The following SCAPER variants were observed in gnomAD, a reference collection of about 807,000 sequenced individuals.
SCAPER encodes the protein S phase cyclin A-associated protein in the endoplasmic reticulum.
A neutral mutation model predicts 182.2 loss-of-function variants in SCAPER; 98 were observed. That is an observed-to-expected ratio of 0.54 (90% CI 0.46 to 0.64). The LOEUF (loss-of-function observed/expected upper bound fraction) is 0.64. Ranked by LOEUF, SCAPER falls within the 30% of genes least tolerant of loss-of-function variation. The pLI is 0.00. For synonymous variants in SCAPER, 605 were observed against 564.6 expected (o/e 1.07, Z -1.01); for missense variants, 1,432 against 1,690.0 (o/e 0.85, Z 2.68).
intron 17 of SCAPER, among the ~76,000 whole-genome samples, chr15:76,711,970 T>C (rs1232846354): frequency 1.3e-5 from 2 of 152,216 alleles, no homozygotes; most frequent in African/African-American, 2.4e-5. Context: ...TTTTGGCTTT[T>C]GTTGCCATTG....
chr15:76,881,672 T>A (rs947701824), intron 2 of SCAPER, among the ~76,000 whole-genome samples: 1 of 152,094 alleles, frequency 6.6e-6, no homozygotes, highest in African/African-American at 2.4e-5. Flanking sequence ...ATGTGGTACA[T>A]AAAGTAGTCA....
At chr15:76,632,484 C>A (rs1020636176) in intron 21 of SCAPER, among the ~76,000 whole-genome samples, 2 of 152,126 alleles carry the variant, frequency 1.3e-5, no homozygotes, top group African/African-American at 4.8e-5. Context: ...TGAGCCACTA[C>A]ACCCAGCCAG....
At chr15:76,580,595 TA>T (rs951706432) in intron 22 of SCAPER, among the ~76,000 whole-genome samples, 8 of 150,900 alleles carry the variant, frequency 5.3e-5, no homozygotes, top group African/African-American at 1.5e-4. Context: ...TCTCCACACA[TA>T]AAAAAAAATC....
chr15:76,438,825 A>C (rs549744695), intron 25 of SCAPER, among the ~76,000 whole-genome samples: 1 of 152,252 alleles, frequency 6.6e-6, no homozygotes, highest in African/African-American at 2.4e-5. Context: ...TCATTTTTTC[A>C]TTTAGATTGG....
rs1241781557 is a variant in SCAPER at position 76,826,354 on chromosome 15, C to G, written c.393+15380G>C. Among the ~76,000 whole-genome samples, 8 of 136,776 alleles carry G rather than the reference C, an allele frequency of 5.8e-5. No individual in the cohort carries two copies. The Admixed American group carries it at 6.6e-4, about 11-fold the overall frequency. The allele number at this position is 136,776 out of a possible 152,430, so 89.7% of individuals were successfully genotyped here. A position where few individuals can be genotyped will look rare whatever the true frequency, so the allele number is the denominator to read the frequency against. On this transcript the variant is annotated intron_variant, in intron 5 of 31. Coordinates refer to ENST00000563290, the MANE Select transcript of SCAPER (RefSeq NM_020843.4). ...GCATATTCTCACTCATAGGTGGGAACTGAACAATGAGAACACATGGACACA... is the reference window on the plus strand; with the variant it reads ...GCATATTCTCACTCATAGGTGGGAAGTGAACAATGAGAACACATGGACACA...
intron 25 of SCAPER, among the ~76,000 whole-genome samples, chr15:76,443,076 T>C (rs973452590): frequency 1.3e-5 from 2 of 152,114 alleles, no homozygotes; most frequent in Non-Finnish European, 2.9e-5. Context: ...AAAATAATGA[T>C]AGATGGTGGA....
At chr15:76,608,526 C>T (rs1379930507) in intron 22 of SCAPER, among the ~76,000 whole-genome samples, 2 of 152,124 alleles carry the variant, frequency 1.3e-5, no homozygotes, top group Non-Finnish European at 2.9e-5. Flanking sequence ...CTGGGAGAAC[C>T]ACTACTCTCT....
rs146059191 is a variant in SCAPER, at chr15:76,737,997, A to G, written c.1867-4613T>C. 4.3e-3 allele frequency among the ~76,000 whole-genome samples: 652 copies of G among 152,330 alleles called. 7 individuals carry two copies. The highest frequency in any genetic ancestry group is 0.015 in the African/African-American group (607 of 41,564). On this transcript the variant is annotated intron_variant, in intron 15 of 31. Coordinates refer to ENST00000563290, the MANE Select transcript of SCAPER (RefSeq NM_020843.4). The stretch of plus-strand genomic sequence containing the variant: ...TATCCAGACCACTCGAACTTTCACC[A>G]TATCAGCAATAACCTGTTGTGCTTT...
intron 21 of SCAPER, among the ~76,000 whole-genome samples, chr15:76,653,568 A>C (rs938814966): frequency 6.6e-6 from 1 of 152,216 alleles, no homozygotes; most frequent in Non-Finnish European, 1.5e-5. Flanking sequence ...ATCTGCAACC[A>C]TCTCATCTTC....
intron 21 of SCAPER, among the ~76,000 whole-genome samples, chr15:76,660,435 C>T (rs918369867): frequency 3.3e-5 from 5 of 152,056 alleles, no homozygotes; most frequent in African/African-American, 1.2e-4. Context: ...AAGGTGTGCT[C>T]CCCTCTTCTC....
At chr15:76,483,061 A>G (rs989817832) in intron 24 of SCAPER, among the ~76,000 whole-genome samples, 1 of 152,134 alleles carries the variant, frequency 6.6e-6, no homozygotes, top group African/African-American at 2.4e-5. Flanking sequence ...TAAGAAGGAT[A>G]AAGTTGGAAG....
At chr15:76,404,483 C>T (rs2044681698) in intron 27 of SCAPER, 41 bp downstream of exon 27, 2 of 1,549,106 alleles carry the variant, frequency 1.3e-6, no homozygotes, top group Non-Finnish European at 8.8e-7. Flanking sequence ...AAGAGATGTT[C>T]CAAAAGTTGA....
chr15:76,621,863 C>A, intron 21 of SCAPER, 34 bp from the exon 22 acceptor site: 2 of 1,476,678 alleles, frequency 1.4e-6, no homozygotes, highest in Non-Finnish European at 1.9e-6. Flanking sequence ...ACAGTTATTT[C>A]ACTGCTAATT....
intron 29 of SCAPER, among the ~76,000 whole-genome samples, chr15:76,365,047 G>C (rs949280051): frequency 6.6e-6 from 1 of 151,992 alleles, no homozygotes; most frequent in African/African-American, 2.4e-5. Flanking sequence ...TTGAGGGCAG[G>C]GACTTTGTCT....
chr15:76,766,891 G>A (rs1225937477), intron 11 of SCAPER, 27 bp downstream of exon 11: 1 of 1,568,330 alleles, frequency 6.4e-7, no homozygotes, highest in East Asian at 2.3e-5. Flanking sequence ...ATTTTGAATA[G>A]TTATGTTAAA....
intron 27 of SCAPER, among the ~76,000 whole-genome samples, chr15:76,397,703 C>T (rs2044173747): frequency 6.6e-6 from 1 of 152,100 alleles, no homozygotes; most frequent in Admixed American, 6.5e-5. Context: ...TCTTGAACTC[C>T]TGACCTCAGG....
intron 17 of SCAPER, among the ~76,000 whole-genome samples, chr15:76,720,267 T>G (rs931658719): frequency 6.6e-6 from 1 of 152,176 alleles, no homozygotes; most frequent in Non-Finnish European, 1.5e-5. Context: ...CTCATCATTT[T>G]TTATGGCTGC....
intron 8 of SCAPER, among the ~76,000 whole-genome samples, chr15:76,778,358 T>C (rs1327822563): frequency 1.3e-5 from 2 of 152,088 alleles, no homozygotes; most frequent in Admixed American, 6.5e-5. Flanking sequence ...CTGTGATAAA[T>C]TACGTATGTA....
At chr15:76,653,608 A>C (rs986162979) in intron 21 of SCAPER, among the ~76,000 whole-genome samples, 12 of 152,238 alleles carry the variant, frequency 7.9e-5, no homozygotes, top group Non-Finnish European at 4.4e-5. Flanking sequence ...AGCAATTGGA[A>C]AAGAATTCCC....
Sources: allele counts gnomAD v4.1 joint callset (sites outside exome capture counted in the v4.1 genomes callset), GRCh38; gene constraint gnomAD v4.1.1; transcripts MANE v1.5; gene names NCBI Gene and HGNC (gene_info 2026-07-23, HGNC 2026-07-21).